Variants in NDRG2 observed in about 807,000 individuals in gnomAD.
NDRG2 encodes the protein protein NDRG2.
A neutral mutation model predicts 58.2 loss-of-function variants in NDRG2; 34 were observed. The observed-to-expected ratio is 0.58, with a 90% CI of 0.44 to 0.78. The LOEUF (loss-of-function observed/expected upper bound fraction) is 0.78. Among genes scored for constraint, NDRG2 ranks in the 30% least tolerant of loss-of-function variants. NDRG2 has a pLI of 0.00. For missense variants in NDRG2, 434 were observed against 471.2 expected, an observed-to-expected ratio of 0.92 and a Z score of 0.73; for synonymous variants, 187 against 175.9, an observed-to-expected ratio of 1.06 and a Z score of -0.50.
At chr14:21,059,360 G>A (rs753663711) in intron 1 of NDRG2, among the ~76,000 whole-genome samples, 1 of 151,996 alleles carries the variant, frequency 6.6e-6, no homozygotes. Context: ...ACAATACAAT[G>A]AATTACTAGA....
intron 1 of NDRG2, among the ~76,000 whole-genome samples, chr14:21,054,082 C>T (rs537686209): frequency 6.6e-6 from 1 of 152,208 alleles, no homozygotes; most frequent in South Asian, 2.1e-4. Context: ...AAAACAAGAT[C>T]AGTAAAAATT....
At position 21,043,756 on chromosome 14, in the gene NDRG2, G is replaced by A. The variant is rs1594498402; in HGVS notation, c.25-20435C>T. ...GTCTCCCCTGCCCCCTGGCATTAGG[G>A]CAGCATGACAAGGAGAGGAAATAAA... On this transcript the variant is annotated intron_variant, in intron 1 of 14. Coordinates refer to the NDRG2 transcript ENST00000403829. 2.2e-5 allele frequency: 7 copies of A among 325,276 alleles called. No homozygotes were observed. In the East Asian group the frequency reaches 4.0e-4, roughly 19 times the overall value. The allele number at this position is 325,276 out of a possible 1,614,324, so 20.1% of individuals were successfully genotyped here. A position where few individuals can be genotyped will look rare whatever the true frequency, so the allele number is the denominator to read the frequency against.
rs528287752 is a variant in NDRG2, at chr14:21,042,708, A to C, written c.25-19387T>G. 4.6e-5 allele frequency among the ~76,000 whole-genome samples: 7 copies of C among 152,200 alleles called. No individual in the cohort carries two copies. In the South Asian group the frequency reaches 1.5e-3, roughly 32 times the overall value. On this transcript the variant is annotated intron_variant, in intron 1 of 14. Transcript: ENST00000403829. ...TGGAGACACAAAAGGGATGAGACTT[A>C]AGGGAAAGGGGAGAGGACAAAGAGT...
Position 21,043,183 on chromosome 14 carries a change from G to A in NDRG2, c.25-19862C>T, listed in dbSNP as rs201250028. ...AAAAACATTAACAAGCACACAAAACGGTGCAAAGACCTCAACACCTTCCTG... is the reference window on the plus strand; with the variant it reads ...AAAAACATTAACAAGCACACAAAACAGTGCAAAGACCTCAACACCTTCCTG... On this transcript the variant is annotated intron_variant, in intron 1 of 14. Coordinates refer to the NDRG2 transcript ENST00000403829. 1.3e-4 allele frequency: 202 copies of A among 1,614,030 alleles called. No homozygotes were observed. The highest frequency in any genetic ancestry group is 3.3e-4 in the Middle Eastern group (2 of 6,084).
rs145171972 is a variant in NDRG2, at chr14:21,031,712, A to G, written c.25-8391T>C. Among the ~76,000 whole-genome samples the G allele has an allele frequency of 1.4e-4, 22 of 152,222 alleles. No individual in the cohort carries two copies. In the East Asian group the frequency reaches 4.2e-3, roughly 29 times the overall value. On this transcript the variant is annotated intron_variant, in intron 1 of 14. Coordinates refer to the NDRG2 transcript ENST00000403829. ...CCACACTCCTCCTCCCCCATGAGTG[A>G]ACGGCTCTTACCAGAGTACCTGCCC...
chr14:21,024,477 A>C lies in NDRG2; in HGVS notation c.-454T>G. 2.1e-6 allele frequency: 2 copies of C among 966,564 alleles called. No homozygotes were observed. Among genetic ancestry groups the C allele is most frequent in the Non-Finnish European group, 2.5e-6 (2 of 812,834 alleles). The allele number at this position is 966,564 out of a possible 1,614,324, so 59.9% of individuals were successfully genotyped here. On this transcript the variant is annotated 5_prime_UTR_variant, in exon 1 of 16. Transcript: ENST00000556147. Reference sequence around the variant, plus strand: ...GCAGGGGGACTAAACGCGGGGGAATAGGGGATCCCCAAAATTTTTGACAGC... The same window carrying C: ...GCAGGGGGACTAAACGCGGGGGAATCGGGGATCCCCAAAATTTTTGACAGC...
At chr14:21,054,223 C>T (rs1405707898) in intron 1 of NDRG2, among the ~76,000 whole-genome samples, 1 of 152,220 alleles carries the variant, frequency 6.6e-6, no homozygotes, top group African/African-American at 2.4e-5. Context: ...CTCCCACACA[C>T]ACAGACATTG....
In NDRG2 at chr14:21,018,003, C is replaced by T; in HGVS notation, c.933G>A (p.Leu311=). ...GKLTEAFKYF[L]QGMGYMASSC... The stretch of plus-strand genomic sequence containing the variant: ...GATACTCACTGTAGCCCATGCCTTG[C>T]AGGAAGTACTTGAAGGCCTCGGTCA... The change falls in exon 15 of 16, where the codon CTG becomes CTA. Residue 311 remains leucine (L), a synonymous_variant. Coordinates refer to ENST00000556147, the MANE Select transcript of NDRG2 (RefSeq NM_001320329.2). The T allele has an allele frequency of 6.2e-7, 1 of 1,614,188 alleles. No individual in the cohort carries two copies. The highest frequency in any genetic ancestry group is 8.5e-7 in the Non-Finnish European group (1 of 1,180,042).
chr14:21,053,020 C>A (rs1885532703), intron 1 of NDRG2, among the ~76,000 whole-genome samples: 1 of 152,092 alleles, frequency 6.6e-6, no homozygotes, highest in African/African-American at 2.4e-5. Context: ...TCAAAGGAGA[C>A]CAGTATTTTC....
chr14:21,021,113 C>T (rs1208801925), intron 6 of NDRG2: 2 of 618,586 alleles, frequency 3.2e-6, no homozygotes, highest in Non-Finnish European at 6.0e-6. Context: ...AGCCAACCAA[C>T]ACACTGTTTT....
At chr14:21,066,618 G>T (rs2139172334) in intron 1 of NDRG2, among the ~76,000 whole-genome samples, 1 of 152,352 alleles carries the variant, frequency 6.6e-6, no homozygotes, top group East Asian at 1.9e-4. Context: ...ACAGGCATGA[G>T]CCACCGTGCC....
intron 1 of NDRG2, among the ~76,000 whole-genome samples, chr14:21,040,043 C>T (rs1339164724): frequency 3.3e-5 from 5 of 152,196 alleles, no homozygotes; most frequent in Non-Finnish European, 7.3e-5. Context: ...TGCTGATACA[C>T]ATTTGATACA....
upstream of NDRG2, among the ~76,000 whole-genome samples, chr14:21,026,371 C>A (rs952095042): frequency 4.7e-5 from 7 of 148,980 alleles, no homozygotes; most frequent in African/African-American, 1.7e-4. Context: ...TCCTGAGTTG[C>A]CATTTCGGGG....
chr14:21,031,719 C>T (rs974339622), intron 1 of NDRG2, among the ~76,000 whole-genome samples: 4 of 152,166 alleles, frequency 2.6e-5, no homozygotes, highest in Non-Finnish European at 5.9e-5. Flanking sequence ...GTGAACGGCT[C>T]TTACCAGAGT....
intron 1 of NDRG2, among the ~76,000 whole-genome samples, chr14:21,050,128 G>A (rs1304632376): frequency 6.6e-6 from 1 of 152,122 alleles, no homozygotes; most frequent in Non-Finnish European, 1.5e-5. Context: ...CTGCAAATGG[G>A]CAGACCCCCG....
intron 1 of NDRG2, chr14:21,032,945 G>A: frequency 2.2e-6 from 1 of 456,118 alleles, no homozygotes; most frequent in Non-Finnish European, 4.4e-6. Context: ...ATACTCAGAT[G>A]TGGTTTTAGA....
Position 21,016,970 on chromosome 14 carries a change from A to G in NDRG2, c.*626T>C. 2.2e-6 allele frequency: 1 copy of G among 456,602 alleles called. No homozygotes were observed. The highest frequency in any genetic ancestry group is 4.4e-6 in the Non-Finnish European group (1 of 226,796). The allele number at this position is 456,602 out of a possible 1,614,324, so 28.3% of individuals were successfully genotyped here. A position where few individuals can be genotyped will look rare whatever the true frequency, so the allele number is the denominator to read the frequency against. On this transcript the variant is annotated 3_prime_UTR_variant, in exon 16 of 16. Transcript: ENST00000556147. The stretch of plus-strand genomic sequence containing the variant: ...CTGAGCTACCAAAGTTAGTGCAGCC[A>G]AACGGCCCCAGGCCCCTTCCTGTTG...
chr14:21,040,876 A>G lies in NDRG2; in HGVS notation c.25-17555T>C, dbSNP rs1884858235. Reference sequence around the variant, plus strand: ...CCTATACTGTTCTACTTTTTTCCCTAGCCATTATCACTTTGAGCAAAGTAT... The same window carrying G: ...CCTATACTGTTCTACTTTTTTCCCTGGCCATTATCACTTTGAGCAAAGTAT... On this transcript the variant is annotated intron_variant, in intron 1 of 14. Transcript: ENST00000403829. Among the ~76,000 whole-genome samples, 14 of 152,200 alleles carry G rather than the reference A, an allele frequency of 9.2e-5. 1 individual carries two copies. In the South Asian group the frequency reaches 2.9e-3, roughly 32 times the overall value.
In NDRG2 at chr14:21,024,079, T is replaced by G; in HGVS notation, c.-56A>C. 1 of 985,420 alleles carries G rather than the reference T, an allele frequency of 1.0e-6. No individual in the cohort carries two copies. The highest frequency in any genetic ancestry group is 1.2e-6 in the Non-Finnish European group (1 of 829,958). The allele number at this position is 985,420 out of a possible 1,614,324, so 61.0% of individuals were successfully genotyped here. On this transcript the variant is annotated 5_prime_UTR_variant, in exon 1 of 16. Coordinates refer to ENST00000556147, the MANE Select transcript of NDRG2 (RefSeq NM_001320329.2). ...TGGGATTAGGGGTCAGGGTTCTCACTCCTTCTGACTCTGGGGTCTGAGAAA... is the reference window on the plus strand; with the variant it reads ...TGGGATTAGGGGTCAGGGTTCTCACGCCTTCTGACTCTGGGGTCTGAGAAA...
Sources: allele counts gnomAD v4.1 joint callset (sites outside exome capture counted in the v4.1 genomes callset), GRCh38; gene constraint gnomAD v4.1.1; transcripts MANE v1.5; gene names NCBI Gene and HGNC (gene_info 2026-07-23, HGNC 2026-07-21).